TCF4: variants seen among roughly 807,000 people sequenced by gnomAD.
TCF4 encodes the protein SL3-3 enhancer factor 2.
Under a neutral mutation model 82.1 loss-of-function variants are expected in TCF4, and 3 were observed. The observed-to-expected ratio is 0.04, with a 90% CI of 0.02 to 0.09. The LOEUF is 0.09. Ranked by LOEUF, TCF4 falls within the 10% of genes least tolerant of loss-of-function variation. The probability of loss-of-function intolerance (pLI) is 1.00; values close to 1 mark genes in which losing one functional copy is unlikely to be tolerated. For missense variants in TCF4, 518 were observed against 852.7 expected, an observed-to-expected ratio of 0.61 and a Z score of 4.89; for synonymous variants, 276 against 309.6, an observed-to-expected ratio of 0.89 and a Z score of 1.14.
chr18:55,602,502 T>C (rs971088607), intron 2 of TCF4, among the ~76,000 whole-genome samples: 1 of 152,214 alleles, frequency 6.6e-6, no homozygotes, highest in East Asian at 1.9e-4. Context: ...ATAACTGCTA[T>C]AGTAGCTTAC....
chr18:55,341,132 G>A (rs974711205), intron 8 of TCF4, among the ~76,000 whole-genome samples: 2 of 152,154 alleles, frequency 1.3e-5, no homozygotes, highest in African/African-American at 4.8e-5. Flanking sequence ...TGACAACCTT[G>A]CTGTAGAGAG....
intron 3 of TCF4, chr18:55,553,210 A>C (rs897318167): frequency 3.3e-5 from 5 of 152,226 alleles, no homozygotes; most frequent in Admixed American, 6.5e-5. Flanking sequence ...ATATACATAC[A>C]TAGCAGTCAC....
At chr18:55,443,196 C>T (rs141588116) in intron 5 of TCF4, among the ~76,000 whole-genome samples, 1 of 152,176 alleles carries the variant, frequency 6.6e-6, no homozygotes, top group Non-Finnish European at 1.5e-5. Context: ...TATGCCCTTC[C>T]TCTGAGTATG....
At chr18:55,557,032 C>A (rs2097310474) in intron 3 of TCF4, among the ~76,000 whole-genome samples, 1 of 152,164 alleles carries the variant, frequency 6.6e-6, no homozygotes, top group Non-Finnish European at 1.5e-5. Flanking sequence ...AACACCTCTG[C>A]TTTTGCTATA....
Position 55,412,659 on chromosome 18 carries a change from C to T in TCF4, c.305-9141G>A, listed in dbSNP as rs575462562. On this transcript the variant is annotated intron_variant, in intron 5 of 19. Coordinates refer to ENST00000354452, the MANE Select transcript of TCF4 (RefSeq NM_001083962.2). ...TGAGGGAGAAAATCCGGTCCTTTCC[C>T]TTTCATTGGAGGAGATGGGTGACAT... Among the ~76,000 whole-genome samples the T allele has an allele frequency of 4.6e-5, 7 of 152,268 alleles. No homozygotes were observed. In the South Asian group the frequency reaches 1.5e-3, roughly 32 times the overall value.
intron 2 of TCF4, among the ~76,000 whole-genome samples, chr18:55,619,257 G>A (rs1175638130): frequency 6.6e-6 from 1 of 152,104 alleles, no homozygotes; most frequent in Non-Finnish European, 1.5e-5. Context: ...TTCTTAGGAA[G>A]CATTGGTCAT....
intron 6 of TCF4, among the ~76,000 whole-genome samples, chr18:55,358,819 G>A (rs538481369): frequency 6.6e-6 from 1 of 152,236 alleles, no homozygotes; most frequent in Non-Finnish European, 1.5e-5. Flanking sequence ...GGATAATCCT[G>A]GACAATCTGT....
intron 5 of TCF4, among the ~76,000 whole-genome samples, chr18:55,453,962 C>CAGT (rs2095680390): frequency 6.6e-6 from 1 of 152,022 alleles, no homozygotes; most frequent in Non-Finnish European, 1.5e-5. Flanking sequence ...TCCCAGCCTC[C>CAGT]AGTAGTCCTT....
intron 6 of TCF4, among the ~76,000 whole-genome samples, chr18:55,374,562 C>T (rs577037940): frequency 6.6e-6 from 1 of 151,876 alleles, no homozygotes; most frequent in African/African-American, 2.4e-5. Flanking sequence ...ACAATTGAAA[C>T]ACAAAGAAAC....
chr18:55,562,189 A>C (rs962158705), intron 3 of TCF4, among the ~76,000 whole-genome samples: 2 of 152,240 alleles, frequency 1.3e-5, no homozygotes, highest in African/African-American at 4.8e-5. Flanking sequence ...TTACAAAGCC[A>C]GAAAGATTTA....
At chr18:55,272,146 C>T (rs1206867728) in intron 10 of TCF4, among the ~76,000 whole-genome samples, 2 of 151,914 alleles carry the variant, frequency 1.3e-5, no homozygotes, top group Non-Finnish European at 2.9e-5. Context: ...GCTGAGTTCA[C>T]AGAATAAAAA....
At chr18:55,330,469 C>T (rs887783198) in intron 8 of TCF4, among the ~76,000 whole-genome samples, 5 of 151,714 alleles carry the variant, frequency 3.3e-5, no homozygotes, top group African/African-American at 9.7e-5. Context: ...TTAGCCACCA[C>T]GCCTGGCATG....
In TCF4 at chr18:55,585,315, G is replaced by A; in HGVS notation, c.110C>T (p.Pro37Leu). 6.2e-7 allele frequency: 1 copy of A among 1,613,870 alleles called. No individual in the cohort carries two copies. The highest frequency in any genetic ancestry group is 8.5e-7 in the Non-Finnish European group (1 of 1,179,904). The change falls in exon 3 of 20, where the codon CCA becomes CTA. Residue 37 changes from proline to leucine, a missense_variant. Transcript: ENST00000354452. ...AAAATGTCCACTTGCCAAAGAAGTT[G>A]GTCCATTTTTCCCACTGCTCACAGG... ...SPPVSSGKNG[P>L]TSLASGHFTG...
intron 5 of TCF4, among the ~76,000 whole-genome samples, chr18:55,416,692 C>T (rs938625984): frequency 6.6e-6 from 1 of 152,180 alleles, no homozygotes; most frequent in East Asian, 1.9e-4. Flanking sequence ...TATGGCTGCA[C>T]CATTTTTGCC....
chr18:55,522,675 AAG>A (rs2096942515), intron 3 of TCF4, among the ~76,000 whole-genome samples: 1 of 152,144 alleles, frequency 6.6e-6, no homozygotes, highest in Non-Finnish European at 1.5e-5. Flanking sequence ...CATGGAAAAA[AAG>A]AGATAATAAT....
chr18:55,476,452 TG>T (rs1232389580), intron 3 of TCF4, among the ~76,000 whole-genome samples: 1 of 151,838 alleles, frequency 6.6e-6, no homozygotes, highest in African/African-American at 2.4e-5. Context: ...AAGCCCTCGT[TG>T]TTTTTTTGTT....
chr18:55,485,089 C>T (rs2096495652), intron 3 of TCF4, among the ~76,000 whole-genome samples: 1 of 152,192 alleles, frequency 6.6e-6, no homozygotes, highest in Non-Finnish European at 1.5e-5. Flanking sequence ...AGGAAAGAGA[C>T]ACATCAGTAG....
chr18:55,457,986 CA>C (rs1394225176), intron 5 of TCF4, among the ~76,000 whole-genome samples: 2 of 151,870 alleles, frequency 1.3e-5, no homozygotes, highest in African/African-American at 4.8e-5. Context: ...AATCCACTCT[CA>C]AAAGGAAAGA....
chr18:55,359,981 C>A (rs146715922), intron 6 of TCF4, among the ~76,000 whole-genome samples: 105 of 152,306 alleles, frequency 6.9e-4, no homozygotes, highest in African/African-American at 2.4e-3. Context: ...GTTCATCATT[C>A]ACCCAAAGGG....
Sources: gnomAD v4.1 joint callset for allele counts (sites outside exome capture counted in the v4.1 genomes callset) on GRCh38, gnomAD v4.1.1 for gene constraint, MANE v1.5 for transcripts, NCBI Gene and HGNC (gene_info 2026-07-23, HGNC 2026-07-21) for gene names.